Variants in PLCB1 observed in about 807,000 individuals in gnomAD.
The protein encoded by PLCB1 is 1-phosphatidylinositol 4,5-bisphosphate phosphodiesterase beta-1.
Under a neutral mutation model 161.8 loss-of-function variants are expected in PLCB1, and 46 were observed. That is an observed-to-expected ratio of 0.28 (90% CI 0.22 to 0.36). The LOEUF (loss-of-function observed/expected upper bound fraction) is 0.36. Ranked by LOEUF, PLCB1 falls within the 10% of genes least tolerant of loss-of-function variation. PLCB1 has a pLI of 1.00. For synonymous variants in PLCB1, 517 were observed against 503.7 expected (o/e 1.03, Z -0.35); for missense variants, 1,016 against 1,472.5 (o/e 0.69, Z 5.07).
intron 2 of PLCB1, among the ~76,000 whole-genome samples, chr20:8,368,492 A>G (rs1769449682): frequency 6.9e-6 from 1 of 144,644 alleles, no homozygotes; most frequent in African/African-American, 2.6e-5. Flanking sequence ...GCACCACTGC[A>G]CTTTAGCCTG....
In PLCB1 at chr20:8,467,127, G is replaced by A. The variant is rs191562659; in HGVS notation, c.246+95677G>A. Among the ~76,000 whole-genome samples the A allele has an allele frequency of 1.4e-4, 22 of 152,084 alleles. No individual in the cohort carries two copies. The South Asian group carries it at 2.5e-3, about 17-fold the overall frequency. ...ACTAATTTTTTGTATTTTTAGTAGA[G>A]ATGGGGTTTCACTATGTTGGCCAGG... is the stretch of plus-strand genomic sequence containing the variant. On this transcript the variant is annotated intron_variant, in intron 3 of 31. Transcript: ENST00000338037.
intron 23 of PLCB1, among the ~76,000 whole-genome samples, chr20:8,745,950 G>A (rs1444063416): frequency 2.0e-5 from 3 of 151,884 alleles, no homozygotes; most frequent in Non-Finnish European, 4.4e-5. Flanking sequence ...TTTGTTTTTT[G>A]AGACAGAGTC....
intron 3 of PLCB1, among the ~76,000 whole-genome samples, chr20:8,539,616 T>TTTTTTCTTTC (rs879723833): frequency 4.1e-5 from 4 of 97,236 alleles, no homozygotes; most frequent in African/African-American, 1.7e-4. Context: ...CTTTTCTTTA[T>TTTTTTCTTTC]TTTCTTTCTT....
At chr20:8,389,731 C>T (rs968363989) in intron 3 of PLCB1, among the ~76,000 whole-genome samples, 1 of 152,172 alleles carries the variant, frequency 6.6e-6, no homozygotes, top group African/African-American at 2.4e-5. Flanking sequence ...GTGAACTGCT[C>T]TCTAAGCCAG....
intron 3 of PLCB1, among the ~76,000 whole-genome samples, chr20:8,405,288 C>G (rs963170720): frequency 6.6e-6 from 1 of 152,234 alleles, no homozygotes; most frequent in South Asian, 2.1e-4. Flanking sequence ...CTCATCTCCG[C>G]GTGTTTTGTT....
chr20:8,597,017 T>A (rs1234477670), intron 3 of PLCB1, among the ~76,000 whole-genome samples: 80 of 148,342 alleles, frequency 5.4e-4, no homozygotes, highest in Non-Finnish European at 8.1e-4. Context: ...GACAATGGGG[T>A]TTTCTAGATA....
At chr20:8,556,184 A>G (rs1242153319) in intron 3 of PLCB1, among the ~76,000 whole-genome samples, 1 of 151,928 alleles carries the variant, frequency 6.6e-6, no homozygotes, top group East Asian at 1.9e-4. Context: ...CATTCTCTCT[A>G]TGGGTACCTG....
Position 8,881,961 on chromosome 20 carries a change from T to G in PLCB1, c.*112T>G. ...TCTTCCCGAGAAGCATCCCTTAGCC[T>G]AAAATCCACACCAAAGGGAGAGTTC... On this transcript the variant is annotated 3_prime_UTR_variant, in exon 32 of 32. Transcript: ENST00000338037. 1 of 701,942 alleles carries G rather than the reference T, an allele frequency of 1.4e-6. No homozygotes were observed. Among genetic ancestry groups the G allele is most frequent in the Non-Finnish European group, 2.4e-6 (1 of 412,296 alleles). The allele number at this position is 701,942 out of a possible 1,614,324, so 43.5% of individuals were successfully genotyped here.
intron 2 of PLCB1, among the ~76,000 whole-genome samples, chr20:8,175,309 G>C (rs2051771309): frequency 6.6e-6 from 1 of 152,106 alleles, no homozygotes; most frequent in African/African-American, 2.4e-5. Context: ...ATACCTTAAA[G>C]GTAAAAGCAA....
intron 4 of PLCB1, among the ~76,000 whole-genome samples, chr20:8,635,321 G>C (rs537865454): frequency 6.6e-6 from 1 of 152,102 alleles, no homozygotes; most frequent in Admixed American, 6.6e-5. Flanking sequence ...AAAAGGAAAA[G>C]GGGAGGCTTT....
At chr20:8,588,111 A>G (rs573020519) in intron 3 of PLCB1, among the ~76,000 whole-genome samples, 2 of 152,202 alleles carry the variant, frequency 1.3e-5, no homozygotes, top group Non-Finnish European at 2.9e-5. Flanking sequence ...GATTTAATAC[A>G]TGCTTATTGA....
At chr20:8,687,700 G>A (rs895177665) in intron 10 of PLCB1, among the ~76,000 whole-genome samples, 1 of 152,162 alleles carries the variant, frequency 6.6e-6, no homozygotes, top group Non-Finnish European at 1.5e-5. Context: ...GTTCTATCAT[G>A]TATACATACC....
intron 9 of PLCB1, among the ~76,000 whole-genome samples, chr20:8,672,118 G>A (rs1230542859): frequency 1.3e-5 from 2 of 152,092 alleles, no homozygotes; most frequent in African/African-American, 4.8e-5. Flanking sequence ...CTGACTGCCT[G>A]GGCTCAAATC....
At position 8,549,978 on chromosome 20, in the gene PLCB1, C is replaced by G. The variant is rs532959562; in HGVS notation, c.247-78316C>G. Among the ~76,000 whole-genome samples, 10 of 152,258 alleles carry G rather than the reference C, an allele frequency of 6.6e-5. No homozygotes were observed. In the South Asian group the frequency reaches 8.3e-4, roughly 13 times the overall value. ...TGCCATGATTGTAAGTTTCCTGAGG[C>G]CTTTGGCTGGATTTTGGACTTGCAT... On this transcript the variant is annotated intron_variant, in intron 3 of 31. Coordinates refer to ENST00000338037, the MANE Select transcript of PLCB1 (RefSeq NM_015192.4).
At chr20:8,696,976 G>A (rs1331323066) in intron 10 of PLCB1, among the ~76,000 whole-genome samples, 2 of 152,066 alleles carry the variant, frequency 1.3e-5, no homozygotes, top group Non-Finnish European at 1.5e-5. Context: ...CTCGTGATCC[G>A]CTCGCCTCAG....
intron 31 of PLCB1, among the ~76,000 whole-genome samples, chr20:8,821,840 G>T (rs770889391): frequency 6.6e-6 from 1 of 151,596 alleles, no homozygotes; most frequent in African/African-American, 2.4e-5. Context: ...CCGCCCCCTC[G>T]CAGTGTGCAC....
chr20:8,588,638 G>A (rs1209115052), intron 3 of PLCB1, among the ~76,000 whole-genome samples: 1 of 152,124 alleles, frequency 6.6e-6, no homozygotes, highest in Non-Finnish European at 1.5e-5. Flanking sequence ...GGCTGTGTGA[G>A]GACACAGCAA....
At chr20:8,342,506 AG>A (rs1985844110) in intron 2 of PLCB1, among the ~76,000 whole-genome samples, 2 of 152,184 alleles carry the variant, frequency 1.3e-5, no homozygotes, top group African/African-American at 4.8e-5. Context: ...TAGAGAGAGC[AG>A]GTGTTTCCCA....
At chr20:8,860,061 A>C (rs6140776) in intron 31 of PLCB1, among the ~76,000 whole-genome samples, 25,449 of 152,188 alleles carry the variant, frequency 0.17, 2,217 homozygotes, top group South Asian at 0.24. Context: ...ACTGAGTTTG[A>C]ATTCTGACTT....
Sources: gnomAD v4.1 joint callset for allele counts (sites outside exome capture counted in the v4.1 genomes callset) on GRCh38, gnomAD v4.1.1 for gene constraint, MANE v1.5 for transcripts, NCBI Gene and HGNC (gene_info 2026-07-23, HGNC 2026-07-21) for gene names.